The following PJVK variants were observed in gnomAD, a reference collection of about 807,000 sequenced individuals.
PJVK encodes pejvakin.
In PJVK, 33 loss-of-function variants were observed where a neutral mutation model predicts 37.6. The observed-to-expected ratio is 0.88, with a 90% CI of 0.67 to 1.17. The LOEUF (loss-of-function observed/expected upper bound fraction) is 1.17, where lower values mean the gene tolerates loss of function less well. Among genes scored for constraint, PJVK ranks in the 50% most tolerant of loss-of-function variants. The pLI is 0.00. For synonymous variants in PJVK, 141 were observed against 143.5 expected (o/e 0.98, Z 0.13); for missense variants, 410 against 413.8 (o/e 0.99, Z 0.08).
Position 178,455,046 on chromosome 2 carries a change from G to A in PJVK, c.407+519G>A, listed in dbSNP as rs140583687. On this transcript the variant is annotated intron_variant, in intron 3 of 6. Transcript: ENST00000644580. ...GGACGTGGTGGTGGCATCCAACGGC[G>A]GCACCTCCAGGTGGGGCTCAAGGGG... is the stretch of plus-strand genomic sequence containing the variant. The A allele has an allele frequency of 8.6e-4, 1,119 of 1,294,496 alleles. 7 individuals are homozygous for A. The African/African-American group carries it at 0.014, about 16-fold the overall frequency. 80.2% of individuals were successfully genotyped at this position (1,294,496 alleles called of 1,614,324 possible).
intron 3 of PJVK, among the ~76,000 whole-genome samples, chr2:178,455,751 A>G (rs1684024430): frequency 6.6e-6 from 1 of 152,226 alleles, no homozygotes; most frequent in Non-Finnish European, 1.5e-5. Context: ...TAATACAGCA[A>G]TCTGTCTGCA....
At position 178,458,600 on chromosome 2, in the gene PJVK, C is replaced by G; in HGVS notation, c.640C>G (p.Leu214Val). Residue 214 changes from leucine to valine, a missense_variant, in exon 5 of 7, where the codon CTC becomes GTC. By Grantham distance (32) the Leu-to-Val change is conservative (BLOSUM62 1). Transcript: ENST00000644580. ...HTTIAFSVFE[L>V]FIYLDGAFDL... Reference sequence around the variant, plus strand: ...AACCATAGCTTTCAGTGTTTTTGAACTCTTCATATACCTGGATGGTGCCTT... The same window carrying G: ...AACCATAGCTTTCAGTGTTTTTGAAGTCTTCATATACCTGGATGGTGCCTT... The G allele has an allele frequency of 6.2e-7, 1 of 1,613,868 alleles. No homozygotes were observed. The highest frequency in any genetic ancestry group is 8.5e-7 in the Non-Finnish European group (1 of 1,179,788).
Position 178,454,406 on chromosome 2 carries a change from A to G in PJVK, c.286A>G (p.Ile96Val), listed in dbSNP as rs1697917983. Reference sequence around the variant, plus strand: ...ACTCTATGGAAGGCGAGGTAACCATATTGTAAATGACGTTGGGATTAACGT... The same window carrying G: ...ACTCTATGGAAGGCGAGGTAACCATGTTGTAAATGACGTTGGGATTAACGT... ...VSLYGRRGNH[I>V]VNDVGINVAG... Residue 96 changes from isoleucine to valine, a missense_variant, in exon 3 of 7, where the codon ATT becomes GTT. Transcript: ENST00000644580. The G allele has an allele frequency of 1.2e-6, 2 of 1,613,886 alleles. No individual in the cohort carries two copies. Among genetic ancestry groups the G allele is most frequent in the African/African-American group, 1.3e-5 (1 of 74,932 alleles).
chr2:178,461,706 C>T lies in PJVK; in HGVS notation c.*432C>T, dbSNP rs940148018. On this transcript the variant is annotated 3_prime_UTR_variant, in exon 7 of 7. Coordinates refer to ENST00000644580, the MANE Select transcript of PJVK (RefSeq NM_001042702.5). ...TTCAAGCAATTCTCTGCCTCAGCCT[C>T]CCGAGTAGCTGGGATTACTGGCGCC... 4.0e-5 allele frequency among the ~76,000 whole-genome samples: 6 copies of T among 151,330 alleles called. No individual in the cohort carries two copies. The highest frequency in any genetic ancestry group is 7.4e-5 in the Non-Finnish European group (5 of 67,950).
chr2:178,456,635 ACACCCCTGTAATCCCAAGC>A (rs1452951564), intron 4 of PJVK, among the ~76,000 whole-genome samples: 1 of 152,068 alleles, frequency 6.6e-6, no homozygotes, highest in Non-Finnish European at 1.5e-5. Context: ...GTGTGGTGGT[ACACCCCTGTAATCCCAAGC>A]CACTCAGGAA....
Position 178,458,628 on chromosome 2 carries a change from G to A in PJVK, c.667+1G>A, listed in dbSNP as rs1337918797. The A allele has an allele frequency of 4.4e-6, 7 of 1,599,334 alleles. No homozygotes were observed. Among genetic ancestry groups the A allele is most frequent in the Non-Finnish European group, 6.0e-6 (7 of 1,166,676 alleles). On this transcript the variant is annotated splice_donor_variant, in intron 5 of 6. Coordinates refer to ENST00000644580, the MANE Select transcript of PJVK (RefSeq NM_001042702.5). LOFTEE classifies it high-confidence loss of function. The stretch of plus-strand genomic sequence containing the variant: ...TTCATATACCTGGATGGTGCCTTTG[G>A]TGAGTTAAGGGTCTGCATGAAATAC...
chr2:178,461,455 CTTAAG>C lies in PJVK; in HGVS notation c.*184_*188del, dbSNP rs1684505984. 5.0e-6 allele frequency: 3 copies of C among 604,020 alleles called. No homozygotes were observed. Among genetic ancestry groups the C allele is most frequent in the Admixed American group, 3.2e-5 (1 of 31,348 alleles). 37.4% of individuals were successfully genotyped at this position (604,020 alleles called of 1,614,324 possible). A position where few individuals can be genotyped will look rare whatever the true frequency, so the allele number is the denominator to read the frequency against. On this transcript the variant is annotated 3_prime_UTR_variant, in exon 7 of 7. Coordinates refer to ENST00000644580, the MANE Select transcript of PJVK (RefSeq NM_001042702.5). ...GCAATTATAACAGTAGTGTCTATTT[CTTAAG>C]TTGTCATGAAAATTAATAACATTGT...
intron 1 of PJVK, chr2:178,452,578 C>G: frequency 1.0e-6 from 1 of 985,384 alleles, no homozygotes; most frequent in Non-Finnish European, 1.2e-6. Flanking sequence ...AGGTAAAATT[C>G]ATTTTTTGCC....
chr2:178,453,241 G>A, intron 1 of PJVK, 147 bp from the exon 2 acceptor site: 1 of 661,256 alleles, frequency 1.5e-6, no homozygotes, highest in East Asian at 2.8e-5. Context: ...GAGCACATGA[G>A]CAGAGGCAGG....
chr2:178,452,651 G>GT, intron 1 of PJVK: 1 of 984,062 alleles, frequency 1.0e-6, no homozygotes, highest in Non-Finnish European at 1.2e-6. Flanking sequence ...AAGTAGCTGG[G>GT]ATAATAATGA....
At position 178,454,327 on chromosome 2, in the gene PJVK, T is replaced by A. The variant is rs566318811; in HGVS notation, c.212-5T>A. On this transcript the variant is annotated splice_region_variant and splice_polypyrimidine_tract_variant and intron_variant, in intron 2 of 6. Transcript: ENST00000644580. ...TTAAAAAATACTGAGTTTCTTCTTA[T>A]AAAGGTATTTCATCTTATCAATTAC... 1 of 1,608,420 alleles carries A rather than the reference T, an allele frequency of 6.2e-7. No individual in the cohort carries two copies. The highest frequency in any genetic ancestry group is 1.3e-5 in the African/African-American group (1 of 74,858).
intron 4 of PJVK, among the ~76,000 whole-genome samples, chr2:178,457,545 G>A (rs1347895588): frequency 2.0e-5 from 3 of 152,130 alleles, no homozygotes; most frequent in Admixed American, 6.5e-5. Context: ...CGGGGTTTGG[G>A]TCATTGTCTT....
At position 178,461,294 on chromosome 2, in the gene PJVK, G is replaced by C. The variant is rs200368104; in HGVS notation, c.*20G>C. On this transcript the variant is annotated 3_prime_UTR_variant, in exon 7 of 7. Coordinates refer to ENST00000644580, the MANE Select transcript of PJVK (RefSeq NM_001042702.5). ...AAATAAAATGAAAAATGAATACACC[G>C]TGTTGGTGTTTTAGGTGCAGTTGTG... 1.2e-6 allele frequency: 2 copies of C among 1,612,632 alleles called. No individual in the cohort carries two copies. The highest frequency in any genetic ancestry group is 8.5e-7 in the Non-Finnish European group (1 of 1,179,592).
At chr2:178,454,124 G>C in intron 2 of PJVK, 1 of 468,068 alleles carries the variant, frequency 2.1e-6, no homozygotes. Flanking sequence ...TGGCTGAATA[G>C]AAAATTTGAG....
At chr2:178,457,697 T>C (rs370132022) in intron 4 of PJVK, among the ~76,000 whole-genome samples, 3 of 152,182 alleles carry the variant, frequency 2.0e-5, no homozygotes, top group African/African-American at 7.2e-5. Flanking sequence ...CGGGCTCAGC[T>C]GACGACCATG....
In PJVK at chr2:178,456,115, G is replaced by A. The variant is rs1319635594; in HGVS notation, c.513G>A (p.Leu171=). ...ESIRTTRQCS[L]SVHAGIRGEA... Reference sequence around the variant, plus strand: ...TCCGAACCACACGACAGTGCTCACTGTCTGTGCATGCTGGAATTCGAGGGG... The same window carrying A: ...TCCGAACCACACGACAGTGCTCACTATCTGTGCATGCTGGAATTCGAGGGG... The change falls in exon 4 of 7, where the codon CTG becomes CTA. Residue 171 remains leucine, a synonymous_variant. Coordinates refer to ENST00000644580, the MANE Select transcript of PJVK (RefSeq NM_001042702.5). 10 of 1,614,144 alleles carry A rather than the reference G, an allele frequency of 6.2e-6. No individual in the cohort carries two copies. Among genetic ancestry groups the A allele is most frequent in the Non-Finnish European group, 8.5e-6 (10 of 1,180,024 alleles).
At chr2:178,457,153 C>T (rs1284749735) in intron 4 of PJVK, among the ~76,000 whole-genome samples, 2 of 152,032 alleles carry the variant, frequency 1.3e-5, no homozygotes, top group Non-Finnish European at 2.9e-5. Context: ...AGGATGGTTT[C>T]GATCTCCTGA....
In PJVK at chr2:178,460,388, G is replaced by A; in HGVS notation, c.708G>A (p.Arg236=). ...CAGTGTCAAAAGGAGGATTTGAAAGGGAAGAAACGGCAACATTTGCACTGC... is the reference window on the plus strand; with the variant it reads ...CAGTGTCAAAAGGAGGATTTGAAAGAGAAGAAACGGCAACATTTGCACTGC... ...VTSVSKGGFE[R]EETATFALLY... The change falls in exon 6 of 7, where the codon AGG becomes AGA. Residue 236 remains arginine, a synonymous_variant. Transcript: ENST00000644580. 6.2e-7 allele frequency: 1 copy of A among 1,614,030 alleles called. No homozygotes were observed. Among genetic ancestry groups the A allele is most frequent in the Non-Finnish European group, 8.5e-7 (1 of 1,179,990 alleles).
chr2:178,461,210 G>A lies in PJVK; in HGVS notation c.995G>A (p.Gly332Asp). Residue 332 changes from glycine to aspartate, a missense_variant, in exon 7 of 7, where the codon GGT (glycine) becomes GAT (aspartate). Gly to Asp is a moderately conservative substitution (Grantham distance 94, BLOSUM62 -1). Transcript: ENST00000644580. ...GGGTGCTTTCAGTGTTCTGTTGATG[G>A]TCAGAAGTATGTGAGACTTCATGCA... is the stretch of plus-strand genomic sequence containing the variant. ...VYGCFQCSVD[G>D]QKYVRLHAVP... 6.2e-7 allele frequency: 1 copy of A among 1,614,152 alleles called. No homozygotes were observed. The highest frequency in any genetic ancestry group is 1.3e-5 in the African/African-American group (1 of 75,046).
Sources: allele counts gnomAD v4.1 joint callset (sites outside exome capture counted in the v4.1 genomes callset), GRCh38; gene constraint gnomAD v4.1.1; transcripts MANE v1.5; gene names NCBI Gene and HGNC (gene_info 2026-07-23, HGNC 2026-07-21).